Variants in TSPEAR observed in about 807,000 individuals in gnomAD.
The protein encoded by TSPEAR is thrombospondin type laminin G domain and EAR repeats.
Under a neutral mutation model 71.6 loss-of-function variants are expected in TSPEAR, and 69 were observed. That is an observed-to-expected ratio of 0.96 (90% CI 0.79 to 1.18). The LOEUF is 1.18. Among genes scored for constraint, TSPEAR ranks in the 50% most tolerant of loss-of-function variants. TSPEAR has a pLI of 0.00. For synonymous variants in TSPEAR, 402 were observed against 387.2 expected, an observed-to-expected ratio of 1.04 and a Z score of -0.45; for missense variants, 971 against 894.9, an observed-to-expected ratio of 1.09 and a Z score of -1.09.
chr21:44,556,992 T>C (rs1343664960), intron 2 of TSPEAR, among the ~76,000 whole-genome samples: 2 of 152,188 alleles, frequency 1.3e-5, no homozygotes, highest in East Asian at 3.8e-4. Context: ...AAAAGTGAAC[T>C]GGTGAGATAG....
intron 10 of TSPEAR, chr21:44,508,499 C>T: frequency 9.7e-7 from 1 of 1,031,574 alleles, no homozygotes; most frequent in Non-Finnish European, 1.2e-6. Context: ...GCTCTGGGAT[C>T]TGGGTAATAC....
intron 1 of TSPEAR, among the ~76,000 whole-genome samples, chr21:44,641,685 G>A (rs1321560834): frequency 2.0e-5 from 3 of 152,196 alleles, no homozygotes; most frequent in Non-Finnish European, 4.4e-5. Flanking sequence ...CTGGTGAAAT[G>A]AATGAAGTAA....
At chr21:44,675,821 TG>T (rs1778167629) in intron 1 of TSPEAR, 1 of 590,616 alleles carries the variant, frequency 1.7e-6, no homozygotes, top group African/African-American at 1.9e-5. Flanking sequence ...GTATCACTGC[TG>T]ATTTCCTTGA....
rs146556832 is a variant in TSPEAR, at chr21:44,704,249, A to ACCC, written c.82+7181_82+7183dup. On this transcript the variant is annotated intron_variant, in intron 1 of 11. Transcript: ENST00000323084. Reference sequence around the variant, plus strand: ...TGCCCCCTGCTTCCCTGGGTACCCCACCCCCCCACCACTCTCCAGGGGTCC... The same window carrying ACCC: ...TGCCCCCTGCTTCCCTGGGTACCCCACCCCCCCCCCACCACTCTCCAGGGGTCC... Among the ~76,000 whole-genome samples the ACCC allele has an allele frequency of 6.4e-3, 948 of 147,044 alleles. 13 individuals are homozygous for ACCC. Among genetic ancestry groups the ACCC allele is most frequent in the African/African-American group, 0.021 (832 of 40,282 alleles).
chr21:44,602,383 C>T (rs782108812), intron 1 of TSPEAR, among the ~76,000 whole-genome samples: 2 of 152,312 alleles, frequency 1.3e-5, no homozygotes, highest in East Asian at 3.9e-4. Context: ...CAGCGCCTGC[C>T]CTGGGTGGGG....
At chr21:44,613,369 A>G (rs1306513362) in intron 1 of TSPEAR, among the ~76,000 whole-genome samples, 2 of 152,194 alleles carry the variant, frequency 1.3e-5, no homozygotes, top group East Asian at 3.9e-4. Context: ...GGTCACTCCC[A>G]GGAAGGCTCA....
chr21:44,573,073 G>T (rs587686550), intron 1 of TSPEAR, among the ~76,000 whole-genome samples: 1 of 152,216 alleles, frequency 6.6e-6, no homozygotes, highest in South Asian at 2.1e-4. Flanking sequence ...CCAAAACCAT[G>T]AGACACGGAA....
intron 1 of TSPEAR, chr21:44,682,109 G>A: frequency 6.2e-7 from 1 of 1,613,808 alleles, no homozygotes; most frequent in Non-Finnish European, 8.5e-7. Flanking sequence ...CCGAGGAGCA[G>A]CTGGTGTGGC....
intron 1 of TSPEAR, among the ~76,000 whole-genome samples, chr21:44,617,059 C>CCTCA (rs782050782): frequency 6.6e-6 from 1 of 152,206 alleles, no homozygotes; most frequent in Non-Finnish European, 1.5e-5. Flanking sequence ...GCCCCAAGCA[C>CCTCA]CTCACTCACT....
chr21:44,591,627 A>G, intron 1 of TSPEAR: 1 of 1,613,770 alleles, frequency 6.2e-7, no homozygotes, highest in Non-Finnish European at 8.5e-7. Flanking sequence ...GCTGGCAGCT[A>G]GACTGCTGGC....
At position 44,628,187 on chromosome 21, in the gene TSPEAR, C is replaced by T. The variant is rs1555935006; in HGVS notation, c.83-60182G>A. 1.8e-6 allele frequency: 2 copies of T among 1,081,628 alleles called. 1 individual carries two copies. The highest frequency in any genetic ancestry group is 3.3e-5 in the African/African-American group (2 of 60,424). 67.0% of individuals were successfully genotyped at this position (1,081,628 alleles called of 1,614,324 possible). The stretch of plus-strand genomic sequence containing the variant: ...CCACAGCCGCCCAGCCCCGGGGTCT[C>T]AGATGCTCACTGGCTCCTCCCTGAC... On this transcript the variant is annotated intron_variant, in intron 1 of 11. Transcript: ENST00000323084.
Position 44,646,322 on chromosome 21 carries a change from G to A in TSPEAR, c.82+65111C>T, listed in dbSNP as rs115641447. 2,119 of 1,256,082 alleles carry A rather than the reference G, an allele frequency of 1.7e-3. 24 individuals carry two copies. The African/African-American group carries it at 0.028, about 17-fold the overall frequency. 77.8% of individuals were successfully genotyped at this position (1,256,082 alleles called of 1,614,324 possible). ...ACACCAACAAGGAAGAAAAGCTTGT[G>A]GAGCCTCCTGTTGGGACAACACATG... On this transcript the variant is annotated intron_variant, in intron 1 of 11. Coordinates refer to ENST00000323084, the MANE Select transcript of TSPEAR (RefSeq NM_144991.3).
chr21:44,598,245 A>C (rs587744012), intron 1 of TSPEAR, among the ~76,000 whole-genome samples: 27 of 152,314 alleles, frequency 1.8e-4, no homozygotes, highest in Admixed American at 1.8e-3. Flanking sequence ...CCCATTATGC[A>C]TCCATTTTAT....
chr21:44,550,004 G>C (rs373160184), intron 2 of TSPEAR, among the ~76,000 whole-genome samples: 4 of 152,240 alleles, frequency 2.6e-5, no homozygotes, highest in African/African-American at 9.6e-5. Flanking sequence ...GTCTCCCGCC[G>C]TGTCCCACCT....
intron 1 of TSPEAR, chr21:44,646,601 C>T (rs782278264): frequency 6.2e-7 from 1 of 1,612,678 alleles, no homozygotes; most frequent in Non-Finnish European, 8.5e-7. Context: ...CTGGTCTGCA[C>T]CCCAGTGAGC....
intron 1 of TSPEAR, among the ~76,000 whole-genome samples, chr21:44,618,691 T>G (rs968878887): frequency 6.6e-6 from 1 of 152,198 alleles, no homozygotes; most frequent in African/African-American, 2.4e-5. Flanking sequence ...TGTAAGGCAG[T>G]GCAGTTGCCT....
chr21:44,642,326 C>A lies in TSPEAR; in HGVS notation c.82+69107G>T, dbSNP rs1339238465. 6.6e-6 allele frequency among the ~76,000 whole-genome samples: 1 copy of A among 152,262 alleles called. No homozygotes were observed. The highest frequency in any genetic ancestry group is 2.4e-5 in the African/African-American group (1 of 41,548). On this transcript the variant is annotated intron_variant, in intron 1 of 11. Transcript: ENST00000323084. This position sits in a 1 kb window ranked among gnomAD's most constrained non-coding sequence, Gnocchi z 4.1. ...TCAATACAAAGACTTTTCTGTGATA[C>A]TTGAAATATTCCAGAGATCAGAAGA...
rs190203120 is a variant in TSPEAR at position 44,592,595 on chromosome 21, G to A, written c.83-24590C>T. The A allele has an allele frequency of 3.4e-4, 497 of 1,482,522 alleles. 2 individuals are homozygous for A. In the African/African-American group the frequency reaches 3.8e-3, roughly 11 times the overall value. 91.8% of individuals were successfully genotyped at this position (1,482,522 alleles called of 1,614,324 possible). On this transcript the variant is annotated intron_variant, in intron 1 of 11. Transcript: ENST00000323084. ...CCCCGGGCCCACAGCTTCCCCTTCC[G>A]TGTTGCCGAGAGCTGGAGTCTGCCG...
intron 1 of TSPEAR, among the ~76,000 whole-genome samples, chr21:44,625,627 C>T (rs989038075): frequency 7.2e-5 from 11 of 152,362 alleles, no homozygotes; most frequent in Non-Finnish European, 1.2e-4. Flanking sequence ...GAGTGGACCT[C>T]GGGGAAGGCC....
Sources: gnomAD v4.1 joint callset for allele counts (sites outside exome capture counted in the v4.1 genomes callset) on GRCh38, gnomAD v4.1.1 for gene constraint, Gnocchi (gnomAD v3.1) non-coding constraint, MANE v1.5 for transcripts, NCBI Gene and HGNC (gene_info 2026-07-23, HGNC 2026-07-21) for gene names.